The following B3GALT1 variants were observed in gnomAD, a reference collection of about 807,000 sequenced individuals.
The protein encoded by B3GALT1 is beta-1,3-galactosyltransferase 1, also known as UDP-Gal:betaGlcNAc beta 1,3-galactosyltransferase, polypeptide 1.
A neutral mutation model predicts 23.2 loss-of-function variants in B3GALT1; 10 were observed. That is an observed-to-expected ratio of 0.43 (90% CI 0.27 to 0.73). The LOEUF is 0.73. Among genes scored for constraint, B3GALT1 ranks in the 30% least tolerant of loss-of-function variants. The probability of loss-of-function intolerance (pLI) is 0.21; values close to 1 mark genes in which losing one functional copy is unlikely to be tolerated. For missense variants in B3GALT1, 299 were observed against 405.4 expected (o/e 0.74, Z 2.25); for synonymous variants, 156 against 141.5 (o/e 1.10, Z -0.73).
At chr2:167,498,945 G>C (rs932629488) in intron 2 of B3GALT1, among the ~76,000 whole-genome samples, 1 of 152,086 alleles carries the variant, frequency 6.6e-6, no homozygotes, top group African/African-American at 2.4e-5. Context: ...AAAGAGGCTG[G>C]TATCTCCATT....
chr2:167,605,191 T>C (rs1237573045), intron 2 of B3GALT1, among the ~76,000 whole-genome samples: 3 of 152,236 alleles, frequency 2.0e-5, no homozygotes, highest in Non-Finnish European at 4.4e-5. Flanking sequence ...CATCAACATA[T>C]GCTTTTTTCC....
chr2:167,801,129 A>C (rs1688631047), intron 3 of B3GALT1, among the ~76,000 whole-genome samples: 1 of 152,238 alleles, frequency 6.6e-6, no homozygotes. Flanking sequence ...ATAGTTATAG[A>C]CATAGTCTTG....
At chr2:167,830,879 T>C (rs1689334902) in intron 4 of B3GALT1, among the ~76,000 whole-genome samples, 1 of 152,218 alleles carries the variant, frequency 6.6e-6, no homozygotes, top group Non-Finnish European at 1.5e-5. Context: ...GAGAAGTGGC[T>C]TGAATATCAG....
chr2:167,704,963 G>A (rs1055198734), intron 3 of B3GALT1, among the ~76,000 whole-genome samples: 9 of 152,130 alleles, frequency 5.9e-5, no homozygotes, highest in Non-Finnish European at 1.2e-4. Flanking sequence ...TTTGGGATAG[G>A]TGTGATAAAT....
chr2:167,396,532 A>ATGTG (rs1161281774), intron 1 of B3GALT1, among the ~76,000 whole-genome samples: 41 of 79,624 alleles, frequency 5.1e-4, no homozygotes, highest in African/African-American at 1.3e-3. Context: ...ATATATATAT[A>ATGTG]TATGTGTGTG....
chr2:167,481,118 G>A (rs35827395), intron 1 of B3GALT1, among the ~76,000 whole-genome samples: 69,236 of 151,956 alleles, frequency 0.46, 17,469 homozygotes, highest in East Asian at 0.84. Context: ...TGACTTACAA[G>A]GGTCAAATTA....
chr2:167,703,228 GT>G (rs1489139854), intron 3 of B3GALT1, among the ~76,000 whole-genome samples: 1 of 152,178 alleles, frequency 6.6e-6, no homozygotes, highest in South Asian at 2.1e-4. Flanking sequence ...GCTCAGTAAG[GT>G]TTTAATAACT....
intron 2 of B3GALT1, among the ~76,000 whole-genome samples, chr2:167,546,925 C>T (rs1683647238): frequency 6.6e-6 from 1 of 152,160 alleles, no homozygotes; most frequent in Non-Finnish European, 1.5e-5. Context: ...TCAGGAAGCA[C>T]CCTCATCCTT....
chr2:167,317,944 C>A (rs1300994431), intron 1 of B3GALT1, among the ~76,000 whole-genome samples: 1 of 152,036 alleles, frequency 6.6e-6, no homozygotes, highest in Non-Finnish European at 1.5e-5. Context: ...TGTGAGTATA[C>A]CCAAGATCAT....
At chr2:167,787,133 G>C (rs1688355069) in intron 3 of B3GALT1, among the ~76,000 whole-genome samples, 1 of 152,188 alleles carries the variant, frequency 6.6e-6, no homozygotes, top group Non-Finnish European at 1.5e-5. Context: ...GGACAGGCAA[G>C]TGTGAAATAT....
intron 3 of B3GALT1, chr2:167,713,880 C>T: frequency 6.3e-7 from 1 of 1,587,078 alleles, no homozygotes; most frequent in Non-Finnish European, 8.7e-7. Context: ...CCTCGTGAAG[C>T]TCCAAACATG....
intron 1 of B3GALT1, among the ~76,000 whole-genome samples, chr2:167,365,585 T>TACACAC (rs10683932): frequency 0.042 from 5,834 of 140,390 alleles, 151 homozygotes; most frequent in Middle Eastern, 0.086. Context: ...GAGATACAAA[T>TACACAC]ACACACACAC....
rs183597003 is a variant in B3GALT1, at chr2:167,440,321, G to T, written c.-510-49856G>T. 6.0e-3 allele frequency among the ~76,000 whole-genome samples: 890 copies of T among 147,194 alleles called. 10 individuals carry two copies. Among genetic ancestry groups the T allele is most frequent in the African/African-American group, 0.022 (852 of 39,112 alleles). ...TTGCACCACTGCACACTCCATCCTG[G>T]GTAACAGAGCGAGACTCTGTCTGAA... is the stretch of plus-strand genomic sequence containing the variant. On this transcript the variant is annotated intron_variant, in intron 1 of 4. Transcript: ENST00000392690.
chr2:167,746,421 C>A (rs1205566476), intron 3 of B3GALT1, among the ~76,000 whole-genome samples: 1 of 152,172 alleles, frequency 6.6e-6, no homozygotes, highest in Non-Finnish European at 1.5e-5. Flanking sequence ...CCTCTCAAGC[C>A]TTTTTTCTCA....
At chr2:167,557,956 C>T (rs188214455) in intron 2 of B3GALT1, among the ~76,000 whole-genome samples, 199 of 152,258 alleles carry the variant, frequency 1.3e-3, no homozygotes, top group Admixed American at 2.7e-3. Flanking sequence ...GAGCAAAAGC[C>T]CAGCCCACAA....
chr2:167,748,042 G>A (rs956245097), intron 3 of B3GALT1, among the ~76,000 whole-genome samples: 3 of 151,888 alleles, frequency 2.0e-5, no homozygotes, highest in Non-Finnish European at 4.4e-5. Context: ...CAGCATTCTG[G>A]GGAATACAAA....
intron 2 of B3GALT1, among the ~76,000 whole-genome samples, chr2:167,525,337 T>A (rs1444603255): frequency 6.6e-6 from 1 of 152,168 alleles, no homozygotes; most frequent in East Asian, 1.9e-4. Context: ...ATTTCATTTT[T>A]TAGTCTGCTT....
chr2:167,848,843 CCCTAACGACTCCTCCAGAAAGCT>C (rs1196361885), intron 4 of B3GALT1, among the ~76,000 whole-genome samples: 3 of 152,290 alleles, frequency 2.0e-5, no homozygotes, highest in African/African-American at 7.2e-5. Flanking sequence ...ACCTTGAAAA[CCCTAACGACTCCTCCAGAAAGCT>C]CCTAGAACTG....
At chr2:167,692,393 GC>G (rs1686728798) in intron 3 of B3GALT1, among the ~76,000 whole-genome samples, 1 of 152,004 alleles carries the variant, frequency 6.6e-6, no homozygotes, top group Admixed American at 6.6e-5. Flanking sequence ...GGGGTAATTT[GC>G]GTAATCATGT....
Sources: allele counts gnomAD v4.1 joint callset (sites outside exome capture counted in the v4.1 genomes callset), GRCh38; gene constraint gnomAD v4.1.1; transcripts MANE v1.5; gene names NCBI Gene and HGNC (gene_info 2026-07-23, HGNC 2026-07-21).